Variants in SGCD observed in about 807,000 individuals in gnomAD.
SGCD encodes delta-sarcoglycan.
Under a neutral mutation model 36.6 loss-of-function variants are expected in SGCD, and 18 were observed. The observed-to-expected ratio is 0.49, with a 90% CI of 0.34 to 0.73. The LOEUF (loss-of-function observed/expected upper bound fraction) is 0.73, where lower values mean the gene tolerates loss of function less well. Among genes scored for constraint, SGCD ranks in the 30% least tolerant of loss-of-function variants. The pLI, the probability that SGCD is intolerant of heterozygous loss-of-function variation, is 0.01. For synonymous variants in SGCD, 133 were observed against 130.6 expected (o/e 1.02, Z -0.12); for missense variants, 387 against 346.7 (o/e 1.12, Z -0.92).
At chr5:155,811,188 A>G in the SGCD span, among the ~76,000 whole-genome samples, 2 of 152,124 alleles carry the variant, frequency 1.3e-5, no homozygotes, top group Admixed American at 6.6e-5. Flanking sequence ...CCAATAGATC[A>G]TTATGTTTTC....
At chr5:156,732,030 A>AAGAAGCTTTTGGGCTAAG in intron 7 of SGCD, among the ~76,000 whole-genome samples, 1 of 152,244 alleles carries the variant, frequency 6.6e-6, no homozygotes, top group South Asian at 2.1e-4. Context: ...TTCTCAGCTT[A>AAGAAGCTTTTGGGCTAAG]AGAAGCTTTT....
Position 156,078,569 on chromosome 5 carries a change from A to G in SGCD, c.-281-39309A>G, listed in dbSNP as rs543437030. 3.6e-4 allele frequency among the ~76,000 whole-genome samples: 34 copies of G among 95,190 alleles called. No homozygotes were observed. In the East Asian group the frequency reaches 0.011, roughly 31 times the overall value. 62.4% of individuals were successfully genotyped at this position (95,190 alleles called of 152,430 possible). A position where few individuals can be genotyped will look rare whatever the true frequency, so the allele number is the denominator to read the frequency against. ...TATATATATATTTATATTTATATAT[A>G]TATTTATATTTATATATATTTATAT... is the stretch of plus-strand genomic sequence containing the variant. On this transcript the variant is annotated intron_variant, in intron 1 of 9. Coordinates refer to the SGCD transcript ENST00000517913.
At chr5:156,472,783 T>A (rs1755028245) in intron 3 of SGCD, among the ~76,000 whole-genome samples, 3 of 152,160 alleles carry the variant, frequency 2.0e-5, no homozygotes. Flanking sequence ...CACCAAAGAA[T>A]ACATACTGTG....
chr5:156,716,506 G>A (rs1390107928), intron 7 of SGCD, among the ~76,000 whole-genome samples: 1 of 152,190 alleles, frequency 6.6e-6, no homozygotes, highest in Non-Finnish European at 1.5e-5. Context: ...TGTGCCCTCA[G>A]TTTTCCTATT....
chr5:155,958,379 T>C (rs982541745), intron 1 of SGCD, among the ~76,000 whole-genome samples: 7 of 152,048 alleles, frequency 4.6e-5, no homozygotes, highest in African/African-American at 1.7e-4. Context: ...CCTAAAGACA[T>C]GAAATGCCCA....
chr5:155,818,515 T>C, the SGCD span, among the ~76,000 whole-genome samples: 71,173 of 151,800 alleles, frequency 0.47, 17,011 homozygotes, highest in Admixed American at 0.64. Flanking sequence ...GTTTTGGAAA[T>C]GGAGATACTT....
chr5:156,216,729 T>C (rs1764584184), intron 3 of SGCD, among the ~76,000 whole-genome samples: 3 of 152,066 alleles, frequency 2.0e-5, no homozygotes, highest in Non-Finnish European at 4.4e-5. Context: ...TTTGAGAAAA[T>C]ATAGGAAGAA....
chr5:156,229,257 C>T (rs60649917), intron 3 of SGCD, among the ~76,000 whole-genome samples: 17 of 32,258 alleles, frequency 5.3e-4, no homozygotes, highest in African/African-American at 1.9e-3. Context: ...TATATACATA[C>T]ATACATATAT....
intron 3 of SGCD, among the ~76,000 whole-genome samples, chr5:156,128,650 A>C (rs1762238321): frequency 1.3e-5 from 2 of 152,062 alleles, no homozygotes; most frequent in Non-Finnish European, 2.9e-5. Context: ...TCTGGTAGTG[A>C]GTGAGTTCTC....
intron 1 of SGCD, among the ~76,000 whole-genome samples, chr5:155,955,323 G>C (rs568091547): frequency 1.3e-5 from 2 of 152,232 alleles, no homozygotes; most frequent in South Asian, 4.1e-4. Context: ...GAAGTATTTA[G>C]AATAGTGGCT....
the SGCD span, among the ~76,000 whole-genome samples, chr5:155,728,391 C>T: frequency 6.6e-6 from 1 of 152,202 alleles, no homozygotes; most frequent in African/African-American, 2.4e-5. Context: ...TCCGCTCAGC[C>T]TCTGGTCCCA....
chr5:156,344,103 G>T (rs1461753232), intron 2 of SGCD, among the ~76,000 whole-genome samples: 3 of 152,164 alleles, frequency 2.0e-5, no homozygotes, highest in Non-Finnish European at 2.9e-5. Flanking sequence ...AAGGTGAACT[G>T]CTGGGGTTAC....
intron 3 of SGCD, among the ~76,000 whole-genome samples, chr5:156,497,333 A>G (rs539652497): frequency 5.1e-4 from 77 of 152,276 alleles, no homozygotes; most frequent in African/African-American, 1.7e-3. Flanking sequence ...AAAGAAAATT[A>G]TACTTATTCC....
intron 1 of SGCD, among the ~76,000 whole-genome samples, chr5:155,923,638 A>G (rs777437250): frequency 6.6e-6 from 1 of 152,230 alleles, no homozygotes; most frequent in Non-Finnish European, 1.5e-5. Flanking sequence ...ATGTCATTGC[A>G]TTTTCAATTA....
At chr5:156,172,297 AAAAC>A (rs926570116) in intron 3 of SGCD, among the ~76,000 whole-genome samples, 15 of 152,298 alleles carry the variant, frequency 9.8e-5, no homozygotes, top group Admixed American at 2.6e-4. Flanking sequence ...AACAAAAACA[AAAAC>A]AAACAAACAA....
chr5:156,379,926 A>T (rs1770886436), intron 3 of SGCD, among the ~76,000 whole-genome samples: 1 of 152,212 alleles, frequency 6.6e-6, no homozygotes, highest in African/African-American at 2.4e-5. Context: ...TTGACTGCAA[A>T]TGAGAAATAG....
At chr5:156,716,104 T>A (rs933616191) in intron 7 of SGCD, among the ~76,000 whole-genome samples, 12 of 152,178 alleles carry the variant, frequency 7.9e-5, no homozygotes, top group African/African-American at 2.9e-4. Flanking sequence ...TACTCCACTT[T>A]TGTTCAGCCT....
At chr5:156,354,528 C>A (rs141329433) in intron 3 of SGCD, among the ~76,000 whole-genome samples, 23 of 152,270 alleles carry the variant, frequency 1.5e-4, no homozygotes, top group Non-Finnish European at 2.4e-4. Flanking sequence ...GGACAATATT[C>A]GTGACCTTTT....
chr5:156,182,781 G>T (rs1157790529), intron 3 of SGCD, among the ~76,000 whole-genome samples: 1 of 152,102 alleles, frequency 6.6e-6, no homozygotes, highest in Admixed American at 6.5e-5. Context: ...TCTTTCTTTT[G>T]ATTCTGAGTT....
Sources: gnomAD v4.1 joint callset for allele counts (sites outside exome capture counted in the v4.1 genomes callset) on GRCh38, gnomAD v4.1.1 for gene constraint, MANE v1.5 for transcripts, NCBI Gene and HGNC (gene_info 2026-07-23, HGNC 2026-07-21) for gene names.